Variants in CNTN4 observed in about 807,000 individuals in gnomAD.
CNTN4 encodes contactin-4.
Under a neutral mutation model 122.5 loss-of-function variants are expected in CNTN4, and 77 were observed. That is an observed-to-expected ratio of 0.63 (90% CI 0.52 to 0.76). CNTN4 has a LOEUF of 0.76. CNTN4 is among the 30% of genes least tolerant of loss of function. The probability of loss-of-function intolerance (pLI) is 0.00; values close to 1 mark genes in which losing one functional copy is unlikely to be tolerated. For missense variants in CNTN4, 1,256 were observed against 1,259.1 expected (o/e 1.00, Z 0.04); for synonymous variants, 512 against 447.0 (o/e 1.15, Z -1.83).
chr3:2,673,784 C>G (rs528034374), intron 4 of CNTN4, among the ~76,000 whole-genome samples: 1 of 152,158 alleles, frequency 6.6e-6, no homozygotes, highest in Non-Finnish European at 1.5e-5. Flanking sequence ...CCTCGTGATC[C>G]GCCTGCCTCA....
At chr3:2,647,380 CATAAATAAATAAATAA>C (rs10591988) in intron 4 of CNTN4, among the ~76,000 whole-genome samples, 78,845 of 150,592 alleles carry the variant, frequency 0.52, 20,783 homozygotes, top group East Asian at 0.68. Context: ...AAACTCATCT[CATAAATAAATAAATAA>C]ATAAATAAAT....
chr3:2,750,233 A>AG (rs1389103955), intron 6 of CNTN4, among the ~76,000 whole-genome samples: 1 of 152,230 alleles, frequency 6.6e-6, no homozygotes, highest in African/African-American at 2.4e-5. Context: ...CTAATTTATG[A>AG]GAAAAACAAC....
intron 4 of CNTN4, among the ~76,000 whole-genome samples, chr3:2,628,452 C>T (rs1057236822): frequency 6.6e-6 from 1 of 152,126 alleles, no homozygotes; most frequent in African/African-American, 2.4e-5. Flanking sequence ...AAGTCTTTAA[C>T]AGGTTTGATT....
At chr3:2,474,551 C>T (rs76131452) in intron 3 of CNTN4, among the ~76,000 whole-genome samples, 1,881 of 151,908 alleles carry the variant, frequency 0.012, 39 homozygotes, top group African/African-American at 0.043. Flanking sequence ...TATATTTAAC[C>T]CTAAACCACA....
chr3:2,297,108 A>G (rs2042342190), intron 2 of CNTN4, among the ~76,000 whole-genome samples: 1 of 152,180 alleles, frequency 6.6e-6, no homozygotes, highest in Non-Finnish European at 1.5e-5. Context: ...TTTATTCTGC[A>G]ATATAAATTC....
At chr3:2,197,367 A>G (rs574612072) in intron 2 of CNTN4, among the ~76,000 whole-genome samples, 1 of 152,324 alleles carries the variant, frequency 6.6e-6, no homozygotes, top group East Asian at 1.9e-4. Context: ...ATTGATATAC[A>G]TTTATGAAAG....
At position 2,220,555 on chromosome 3, in the gene CNTN4, C is replaced by T. The variant is rs551723142; in HGVS notation, c.-144-118623C>T. 5.3e-5 allele frequency among the ~76,000 whole-genome samples: 8 copies of T among 152,120 alleles called. No homozygotes were observed. In the East Asian group the frequency reaches 5.8e-4, roughly 11 times the overall value. On this transcript the variant is annotated intron_variant, in intron 2 of 24. Coordinates refer to ENST00000418658, the MANE Select transcript of CNTN4 (RefSeq NM_175607.3). Reference sequence around the variant, plus strand: ...CATTAATATTTTCCATGGAAACTACCGACTTTCAGTTCTATGTTACCTCCT... The same window carrying T: ...CATTAATATTTTCCATGGAAACTACTGACTTTCAGTTCTATGTTACCTCCT...
chr3:2,475,435 G>A (rs1488210482), intron 3 of CNTN4, among the ~76,000 whole-genome samples: 1 of 152,168 alleles, frequency 6.6e-6, no homozygotes, highest in Non-Finnish European at 1.5e-5. Flanking sequence ...GATCCAGTGA[G>A]CTTAGGAACC....
chr3:2,155,752 C>G (rs1003670515), intron 2 of CNTN4, among the ~76,000 whole-genome samples: 1 of 152,206 alleles, frequency 6.6e-6, no homozygotes, highest in African/African-American at 2.4e-5. Context: ...TCCTCCAACA[C>G]AGCTAGCTCT....
chr3:2,740,546 G>T (rs1159427543), intron 5 of CNTN4, among the ~76,000 whole-genome samples: 1 of 152,134 alleles, frequency 6.6e-6, no homozygotes, highest in Admixed American at 6.5e-5. Flanking sequence ...AGATACAGCA[G>T]ACTTCTAAAG....
intron 3 of CNTN4, among the ~76,000 whole-genome samples, chr3:2,444,089 C>T (rs2048532043): frequency 6.6e-6 from 1 of 151,846 alleles, no homozygotes. Flanking sequence ...TATATATTTA[C>T]ATGTTCTTTT....
At chr3:2,773,525 G>A (rs953901251) in intron 6 of CNTN4, among the ~76,000 whole-genome samples, 1 of 152,084 alleles carries the variant, frequency 6.6e-6, no homozygotes, top group Non-Finnish European at 1.5e-5. Flanking sequence ...ACTGGAGGAA[G>A]ACCTCAGAAA....
chr3:2,199,653 C>G (rs769152181), intron 2 of CNTN4, among the ~76,000 whole-genome samples: 1 of 152,094 alleles, frequency 6.6e-6, no homozygotes, highest in Non-Finnish European at 1.5e-5. Context: ...ACAAAATAGT[C>G]AAAATATAGA....
chr3:2,579,984 G>A (rs1157366802), intron 4 of CNTN4, among the ~76,000 whole-genome samples: 1 of 152,038 alleles, frequency 6.6e-6, no homozygotes. Flanking sequence ...ATACAATGGT[G>A]TTACAATAAT....
At chr3:2,372,156 T>C (rs906405000) in intron 3 of CNTN4, among the ~76,000 whole-genome samples, 2 of 152,186 alleles carry the variant, frequency 1.3e-5, no homozygotes, top group Non-Finnish European at 1.5e-5. Context: ...TGTTACATCC[T>C]GGGGAGGGGG....
At chr3:2,935,810 G>A (rs1163611299) in intron 13 of CNTN4, among the ~76,000 whole-genome samples, 1 of 152,162 alleles carries the variant, frequency 6.6e-6, no homozygotes, top group Non-Finnish European at 1.5e-5. Flanking sequence ...GAGCATACAG[G>A]TTCCCCAGTT....
intron 3 of CNTN4, among the ~76,000 whole-genome samples, chr3:2,366,517 G>C (rs2045384506): frequency 6.6e-6 from 1 of 152,062 alleles, no homozygotes; most frequent in Non-Finnish European, 1.5e-5. Flanking sequence ...CATGAGGTCA[G>C]GAGATCGAGA....
chr3:2,260,679 C>A (rs190692184), intron 2 of CNTN4, among the ~76,000 whole-genome samples: 298 of 151,818 alleles, frequency 2.0e-3, no homozygotes, highest in African/African-American at 6.9e-3. Flanking sequence ...TAGAACTTCC[C>A]ATTACAGATT....
rs565051611 is a variant in CNTN4 at position 2,726,412 on chromosome 3, G to A, written c.56-9803G>A. On this transcript the variant is annotated intron_variant, in intron 4 of 24. Coordinates refer to ENST00000418658, the MANE Select transcript of CNTN4 (RefSeq NM_175607.3). ...CTCCTGACCTGTGCAGAGGATTTTA[G>A]TCTATCCAAACCACTTGAGTTGAAA... 3.9e-5 allele frequency among the ~76,000 whole-genome samples: 6 copies of A among 152,286 alleles called. No individual in the cohort carries two copies. The South Asian group carries it at 1.0e-3, about 26-fold the overall frequency.
Sources: allele counts gnomAD v4.1 joint callset (sites outside exome capture counted in the v4.1 genomes callset), GRCh38; gene constraint gnomAD v4.1.1; transcripts MANE v1.5; gene names NCBI Gene and HGNC (gene_info 2026-07-23, HGNC 2026-07-21).